Variants in ERI2 observed in about 807,000 individuals in gnomAD.
ERI2 encodes ERI1 exoribonuclease family member 2.
A neutral mutation model predicts 46.8 loss-of-function variants in ERI2; 35 were observed. That is an observed-to-expected ratio of 0.75 (90% CI 0.57 to 0.99). ERI2 has a LOEUF of 0.99. Ranked by LOEUF, ERI2 falls within the 50% of genes least tolerant of loss-of-function variation. ERI2 has a pLI of 0.00. For synonymous variants in ERI2, 224 were observed against 271.0 expected (o/e 0.83, Z 1.70); for missense variants, 695 against 796.2 (o/e 0.87, Z 1.53).
chr16:20,781,976 C>T (rs2080362646), intron 10 of ERI2, among the ~76,000 whole-genome samples: 1 of 152,098 alleles, frequency 6.6e-6, no homozygotes, highest in Non-Finnish European at 1.5e-5. Context: ...GGGCAAGATC[C>T]CCCAAACAAG....
chr16:20,798,855 G>A lies in ERI2; in HGVS notation c.945C>T (p.Asn315=). The change falls in exon 9 of 9, where the codon AAC becomes AAT. Residue 315 remains asparagine, a synonymous_variant. Transcript: ENST00000357967. ...KAQQDQLQVK[N]NIKASLHNVK... ...CATTGTGAAGACTTGCTTTTATATT[G>A]TTTTTTACTTGTAATTGATCCTGTT... 1.3e-6 allele frequency: 2 copies of A among 1,550,722 alleles called. No individual in the cohort carries two copies. The highest frequency in any genetic ancestry group is 1.7e-6 in the Non-Finnish European group (2 of 1,146,706).
In ERI2 at chr16:20,790,629, G is replaced by GGAGATATTGGCA; in HGVS notation, c.815+209_815+220dup. 1 of 1,614,094 alleles carries GGAGATATTGGCA rather than the reference G, an allele frequency of 6.2e-7. No homozygotes were observed. ...CAATGTTCTACCTCCTGGACAAGAA[G>GGAGATATTGGCA]GAGATATTGGCATTCAAGTTCTACC... On this transcript the variant is annotated intron_variant, in intron 9 of 10. Transcript: ENST00000300005. This position sits in a 1 kb window ranked among gnomAD's most constrained non-coding sequence, Gnocchi z 4.0.
Position 20,798,872 on chromosome 16 carries a change from G to A in ERI2, c.928C>T (p.Gln310Ter), listed in dbSNP as rs1363896914. The A allele has an allele frequency of 1.2e-5, 18 of 1,550,390 alleles. No individual in the cohort carries two copies. The highest frequency in any genetic ancestry group is 5.2e-6 in the Non-Finnish European group (6 of 1,146,694). Residue 310 changes from glutamine to a stop codon, truncating the protein, a stop_gained, in exon 9 of 9, where the codon CAA (glutamine) becomes TAA (stop). Transcript: ENST00000357967. LOFTEE classifies it low-confidence loss of function (END_TRUNC). ...TTTATATTGTTTTTTACTTGTAATT[G>A]ATCCTGTTGTGCCTTTATAGGAGAA... The part of the protein sequence containing the change: ...ANSPIKAQQD[Q>*]LQVKNNIKAS...
At chr16:20,806,188 C>A in intron 1 of ERI2, 1 of 1,395,918 alleles carries the variant, frequency 7.2e-7, no homozygotes, top group Non-Finnish European at 9.3e-7. Context: ...TCGTCCGCCT[C>A]GGGCTCCTGT....
intron 4 of ERI2, among the ~76,000 whole-genome samples, chr16:20,801,889 G>C (rs1050804919): frequency 6.6e-6 from 1 of 152,014 alleles, no homozygotes; most frequent in Non-Finnish European, 1.5e-5. Context: ...CTCCCAAGTA[G>C]TGGGAATCAC....
chr16:20,801,989 C>T (rs759860858), intron 4 of ERI2, among the ~76,000 whole-genome samples: 1 of 150,080 alleles, frequency 6.7e-6, no homozygotes, highest in Non-Finnish European at 1.5e-5. Flanking sequence ...GAACTCCTGA[C>T]CTCAGATGAT....
chr16:20,783,194 T>A (rs977646200), intron 10 of ERI2: 1 of 152,144 alleles, frequency 6.6e-6, no homozygotes, highest in Non-Finnish European at 1.5e-5. Flanking sequence ...TCCATGGAAT[T>A]TAGAAGCTCT....
chr16:20,786,193 A>G lies in ERI2; in HGVS notation c.894+3286T>C, dbSNP rs773942219. 10 of 1,606,576 alleles carry G rather than the reference A, an allele frequency of 6.2e-6. No individual in the cohort carries two copies. In the East Asian group the frequency reaches 2.0e-4, roughly 33 times the overall value. ...TCCCCTTCCAGGAGAATGTTTAACA[A>G]CCCAATCTGTACACTACCTACCTAC... On this transcript the variant is annotated intron_variant, in intron 10 of 10. Transcript: ENST00000300005.
rs2080875359 is a variant in ERI2, at chr16:20,806,433, C to G, written c.-3G>C. On this transcript the variant is annotated 5_prime_UTR_variant, in exon 1 of 9. Transcript: ENST00000357967. ...CGCGCGAGCCGCTTGGTCGCCATTC[C>G]CGACACTCCTTGCTTTTCCAAGTCC... 1.3e-6 allele frequency: 2 copies of G among 1,553,556 alleles called. No homozygotes were observed. Among genetic ancestry groups the G allele is most frequent in the Non-Finnish European group, 1.7e-6 (2 of 1,148,272 alleles).
In ERI2 at chr16:20,788,092, TTTTA is replaced by T. The variant is rs536487835; in HGVS notation, c.894+1383_894+1386del. Among the ~76,000 whole-genome samples, 292 of 152,286 alleles carry T rather than the reference TTTTA, an allele frequency of 1.9e-3. 2 individuals are homozygous for T. Among genetic ancestry groups the T allele is most frequent in the African/African-American group, 6.6e-3 (273 of 41,562 alleles). On this transcript the variant is annotated intron_variant, in intron 10 of 10. Coordinates refer to the ERI2 transcript ENST00000300005. ...ATTTACTTCTCCCTCACATTCCTCT[TTTTA>T]TTTATTTATTTATTTTTTTATTTTT...
intron 10 of ERI2, chr16:20,783,238 G>C (rs1215086796): frequency 6.6e-6 from 1 of 152,102 alleles, no homozygotes; most frequent in Non-Finnish European, 1.5e-5. Context: ...CAAAATATTA[G>C]AACAAAAGAT....
At chr16:20,789,915 C>G (rs1048152923) in intron 9 of ERI2, among the ~76,000 whole-genome samples, 17 of 151,682 alleles carry the variant, frequency 1.1e-4, no homozygotes, top group Non-Finnish European at 2.1e-4. Context: ...CTCAGGCGAT[C>G]CACCCGCCTC....
At chr16:20,800,656 T>C (rs1284096623) in intron 5 of ERI2, 2 of 302,324 alleles carry the variant, frequency 6.6e-6, no homozygotes, top group African/African-American at 4.3e-5. Flanking sequence ...ACATGTTAAA[T>C]TACAAGGACT....
At position 20,796,908 on chromosome 16, in the gene ERI2, C is replaced by T; in HGVS notation, c.*816G>A. ...CAGGTAGAATTTATTCAAGAGCTGC[C>T]AAAGACTATCAGTGGGAAGACAAAA... On this transcript the variant is annotated 3_prime_UTR_variant, in exon 9 of 9. Transcript: ENST00000357967. 3 of 1,612,264 alleles carry T rather than the reference C, an allele frequency of 1.9e-6. No homozygotes were observed. Among genetic ancestry groups the T allele is most frequent in the Non-Finnish European group, 2.5e-6 (3 of 1,179,320 alleles).
Position 20,789,478 on chromosome 16 carries a change from C to T in ERI2, c.894+1G>A, listed in dbSNP as rs368020445. On this transcript the variant is annotated splice_donor_variant, in intron 10 of 10. Coordinates refer to the ERI2 transcript ENST00000300005. LOFTEE classifies it high-confidence loss of function. ...AGAGAGCAAGGCTGTGGCTTACTTA[C>T]CATTGTCAACCAGAGAATATTCCCC... is the stretch of plus-strand genomic sequence containing the variant. 73 of 1,609,132 alleles carry T rather than the reference C, an allele frequency of 4.5e-5. No homozygotes were observed. The highest frequency in any genetic ancestry group is 8.3e-5 in the Admixed American group (5 of 59,964).
At chr16:20,802,647 A>C (rs936068340) in intron 4 of ERI2, 149 bp downstream of exon 4, 30 of 857,658 alleles carry the variant, frequency 3.5e-5, no homozygotes, top group Non-Finnish European at 4.7e-5. Flanking sequence ...TCCTGGCCTC[A>C]AGCAATTCTC....
rs559141010 is a variant in ERI2, at chr16:20,806,392, G to A, written c.23+16C>T. The A allele has an allele frequency of 1.9e-6, 3 of 1,550,102 alleles. No individual in the cohort carries two copies. Among genetic ancestry groups the A allele is most frequent in the East Asian group, 2.4e-5 (1 of 40,860 alleles). On this transcript the variant is annotated intron_variant, in intron 1 of 8. Coordinates refer to ENST00000357967, the MANE Select transcript of ERI2 (RefSeq NM_001142725.2). ...CCCGGAGCTACCCGCCCCCGACCCG[G>A]AACTCCCTCGAGTACCGCGCGAGCC...
chr16:20,804,301 G>C (rs2080826578), intron 1 of ERI2, among the ~76,000 whole-genome samples: 1 of 152,120 alleles, frequency 6.6e-6, no homozygotes, highest in Non-Finnish European at 1.5e-5. Flanking sequence ...TATGTGTACA[G>C]TGCAGTTTTA....
chr16:20,802,028 A>G (rs1223164596), intron 4 of ERI2, among the ~76,000 whole-genome samples: 5 of 148,018 alleles, frequency 3.4e-5, no homozygotes, highest in African/African-American at 1.2e-4. Flanking sequence ...CAAAGTACTG[A>G]GATTACAGGT....
Sources: allele counts gnomAD v4.1 joint callset (sites outside exome capture counted in the v4.1 genomes callset), GRCh38; gene constraint gnomAD v4.1.1; non-coding constraint Gnocchi (gnomAD v3.1); transcripts MANE v1.5; gene names NCBI Gene and HGNC (gene_info 2026-07-23, HGNC 2026-07-21).